The following RNF212 variants were observed in gnomAD, a reference collection of about 807,000 sequenced individuals.
RNF212 encodes ring finger protein 212, also known as probable E3 SUMO-protein ligase RNF212.
Under a neutral mutation model 34.7 loss-of-function variants are expected in RNF212, and 33 were observed. The ratio of observed to expected loss-of-function variants is 0.95; its 90% CI spans 0.72 to 1.27. The LOEUF is 1.27. Among genes scored for constraint, RNF212 ranks in the 50% most tolerant of loss-of-function variants. The probability of loss-of-function intolerance (pLI) is 0.00; values close to 1 mark genes in which losing one functional copy is unlikely to be tolerated. For missense variants in RNF212, 377 were observed against 362.2 expected (o/e 1.04, Z -0.33); for synonymous variants, 140 against 136.1 (o/e 1.03, Z -0.20).
downstream of RNF212, among the ~76,000 whole-genome samples, chr4:1,067,823 G>A (rs1277459939): frequency 2.0e-5 from 3 of 148,536 alleles, no homozygotes; most frequent in African/African-American, 7.5e-5. Context: ...AGCTTAGATG[G>A]CACCACTGCA....
chr4:1,061,224 C>T (rs552626106), intron 3 of RNF212, among the ~76,000 whole-genome samples: 1 of 152,188 alleles, frequency 6.6e-6, no homozygotes, highest in Non-Finnish European at 1.5e-5. Context: ...TCCACCTCCC[C>T]CTACCCCACT....
chr4:1,090,707 G>A (rs1722052904), intron 4 of RNF212, 75 bp downstream of exon 4: 1 of 818,130 alleles, frequency 1.2e-6, no homozygotes, highest in African/African-American at 1.7e-5. Flanking sequence ...TGAGAGCAAG[G>A]TGTTAATTAA....
chr4:1,098,040 G>C (rs565062647), intron 2 of RNF212, among the ~76,000 whole-genome samples: 1 of 152,276 alleles, frequency 6.6e-6, no homozygotes, highest in Non-Finnish European at 1.5e-5. Flanking sequence ...ACTCCAGCCT[G>C]GGCAACAGAG....
downstream of RNF212, among the ~76,000 whole-genome samples, chr4:1,068,042 C>A (rs1718205176): frequency 6.6e-6 from 1 of 151,456 alleles, no homozygotes; most frequent in Non-Finnish European, 1.5e-5. Flanking sequence ...GGCAATTCTC[C>A]CCACACCGAT....
chr4:1,108,138 A>G (rs1725105084), intron 2 of RNF212, among the ~76,000 whole-genome samples: 1 of 152,248 alleles, frequency 6.6e-6, no homozygotes, highest in Non-Finnish European at 1.5e-5. Flanking sequence ...CAACCTAGGA[A>G]TAAGGTCAAT....
chr4:1,101,283 G>A (rs2153060302), intron 2 of RNF212: 2 of 334,156 alleles, frequency 6.0e-6, no homozygotes. Flanking sequence ...CCCTTTCACT[G>A]ATTTTCCATA....
At chr4:1,083,985 G>C (rs1720784629) in intron 5 of RNF212, among the ~76,000 whole-genome samples, 1 of 112,024 alleles carries the variant, frequency 8.9e-6, no homozygotes, top group Admixed American at 1.1e-4. Context: ...TTTTGCTCTT[G>C]TTACCCAGGC....
intron 4 of RNF212, among the ~76,000 whole-genome samples, chr4:1,086,201 A>G (rs1486958638): frequency 1.3e-5 from 2 of 152,158 alleles, no homozygotes; most frequent in African/African-American, 4.8e-5. Flanking sequence ...ACCCCACACA[A>G]GCCGGCAGGA....
At chr4:1,058,283 AGAACGCAGTGAAGAAGGTGCTTGCG>A in intron 4 of RNF212, 1 of 722,624 alleles carries the variant, frequency 1.4e-6, no homozygotes, top group Non-Finnish European at 1.7e-6. Context: ...TGCGGGGGTT[AGAACGCAGTGAAGAAGGTGCTTGCG>A]GGGGGGCACT....
chr4:1,062,057 AG>A, intron 3 of RNF212, among the ~76,000 whole-genome samples: 1 of 152,370 alleles, frequency 6.6e-6, no homozygotes, highest in South Asian at 2.1e-4. Flanking sequence ...CTCCAGGCAC[AG>A]GGCTTTCAAC....
Position 1,090,814 on chromosome 4 carries a change from T to C in RNF212, c.271A>G (p.Arg91Gly), listed in dbSNP as rs753564383. The C allele has an allele frequency of 2.4e-5, 38 of 1,593,260 alleles. No individual in the cohort carries two copies. Among genetic ancestry groups the C allele is most frequent in the Non-Finnish European group, 2.9e-5 (34 of 1,161,966 alleles). The change falls in exon 4 of 10, where the codon AGG (arginine) becomes GGG (glycine). Residue 91 changes from arginine (R) to glycine (G), a missense_variant. By Grantham distance (125) the Arg-to-Gly change is moderately radical (BLOSUM62 -2). Transcript: ENST00000433731. ...SQILEFQEKH[R>G]KRLLAFYREK... Reference sequence around the variant, plus strand: ...CTATAGAAGGCTAACAATCTCTTCCTGTGTTTTTCTTGAAATTCTAAAATC... The same window carrying C: ...CTATAGAAGGCTAACAATCTCTTCCCGTGTTTTTCTTGAAATTCTAAAATC...
chr4:1,111,316 T>C (rs781632969), intron 1 of RNF212, among the ~76,000 whole-genome samples: 2 of 152,192 alleles, frequency 1.3e-5, no homozygotes, highest in Non-Finnish European at 2.9e-5. Context: ...TATTATCCCG[T>C]ATTAATCGCT....
chr4:1,075,369 G>A (rs1249536806), intron 8 of RNF212, among the ~76,000 whole-genome samples: 2 of 152,252 alleles, frequency 1.3e-5, no homozygotes, highest in Non-Finnish European at 2.9e-5. Context: ...CGTACAGGAA[G>A]CATGGCAACA....
Position 1,072,727 on chromosome 4 carries a change from A to G in RNF212, c.*147T>C. The stretch of plus-strand genomic sequence containing the variant: ...AAATTCAAAGGTCAAATATAAAATT[A>G]CAAAGCAAATTGGGTAAAAGGTTAA... On this transcript the variant is annotated 3_prime_UTR_variant, in exon 10 of 10. Coordinates refer to ENST00000433731, the MANE Select transcript of RNF212 (RefSeq NM_001131034.4). 1.1e-5 allele frequency: 15 copies of G among 1,416,784 alleles called. No individual in the cohort carries two copies. Among genetic ancestry groups the G allele is most frequent in the Non-Finnish European group, 1.4e-5 (15 of 1,087,998 alleles). The allele number at this position is 1,416,784 out of a possible 1,614,324, so 87.8% of individuals were successfully genotyped here.
chr4:1,085,698 C>T, intron 5 of RNF212, 198 bp downstream of exon 5: 1 of 595,678 alleles, frequency 1.7e-6, no homozygotes. Context: ...CTCTTTTTCA[C>T]TTTTTCTTTT....
At chr4:1,059,764 T>C (rs751983896) in intron 3 of RNF212, among the ~76,000 whole-genome samples, 12 of 152,266 alleles carry the variant, frequency 7.9e-5, no homozygotes, top group Non-Finnish European at 1.3e-4. Context: ...GGCAGGTATC[T>C]TTTGTTAAGT....
chr4:1,097,541 C>A, intron 2 of RNF212, among the ~76,000 whole-genome samples: 1 of 151,928 alleles, frequency 6.6e-6, no homozygotes, highest in Non-Finnish European at 1.5e-5. Context: ...GGAGGCAGAG[C>A]TTGCAGTGAG....
At chr4:1,068,350 A>G (rs1017975439), downstream of RNF212, among the ~76,000 whole-genome samples, 5 of 151,984 alleles carry the variant, frequency 3.3e-5, no homozygotes, top group African/African-American at 1.2e-4. Flanking sequence ...TTGTCCTTCT[A>G]TTGTCTTGAT....
intron 5 of RNF212, chr4:1,085,669 C>T (rs1721047702): frequency 1.7e-6 from 1 of 577,088 alleles, no homozygotes; most frequent in Non-Finnish European, 3.1e-6. Flanking sequence ...GGCACCTGCC[C>T]CAAGGGGAAA....
Sources: allele counts gnomAD v4.1 joint callset (sites outside exome capture counted in the v4.1 genomes callset), GRCh38; gene constraint gnomAD v4.1.1; transcripts MANE v1.5; gene names NCBI Gene and HGNC (gene_info 2026-07-23, HGNC 2026-07-21).